Variants in NAV1 observed in about 807,000 individuals in gnomAD.
NAV1 encodes neuron navigator 1.
Under a neutral mutation model 175.2 loss-of-function variants are expected in NAV1, and 18 were observed. That is an observed-to-expected ratio of 0.10 (90% CI 0.07 to 0.15). NAV1 has a LOEUF of 0.15. NAV1 is among the 10% of genes least tolerant of loss of function. The probability of loss-of-function intolerance (pLI) is 1.00; values close to 1 mark genes in which losing one functional copy is unlikely to be tolerated. For missense variants in NAV1, 1,731 were observed against 2,436.6 expected, an observed-to-expected ratio of 0.71 and a Z score of 6.10; for synonymous variants, 897 against 978.7, an observed-to-expected ratio of 0.92 and a Z score of 1.56.
At chr1:201,667,880 C>G (rs1669888785) in intron 1 of NAV1, among the ~76,000 whole-genome samples, 1 of 152,160 alleles carries the variant, frequency 6.6e-6, no homozygotes, top group African/African-American at 2.4e-5. Context: ...CTGGAAGATG[C>G]CCCAAGTGTA....
chr1:201,747,953 C>G (rs1265560081), intron 3 of NAV1, among the ~76,000 whole-genome samples: 1 of 152,158 alleles, frequency 6.6e-6, no homozygotes, highest in Non-Finnish European at 1.5e-5. Flanking sequence ...TCAACCCCAC[C>G]GGAATGGGTC....
At chr1:201,728,594 C>CAAAAA (rs1672712668) in intron 3 of NAV1, among the ~76,000 whole-genome samples, 1 of 79,648 alleles carries the variant, frequency 1.3e-5, no homozygotes, top group Non-Finnish European at 2.5e-5. Context: ...AACTCCATCG[C>CAAAAA]AAAACAAAAA....
chr1:201,599,678 A>G (rs1425962666), intron 2 of NAV1, among the ~76,000 whole-genome samples: 2 of 152,164 alleles, frequency 1.3e-5, no homozygotes, highest in East Asian at 3.9e-4. Context: ...AGGGGGAACC[A>G]TCAGGCAGGC....
At chr1:201,756,447 C>T (rs145791631) in intron 3 of NAV1, among the ~76,000 whole-genome samples, 1,574 of 152,256 alleles carry the variant, frequency 0.01, 23 homozygotes, top group African/African-American at 0.035. Flanking sequence ...TGTCTCCCTA[C>T]AAAATATCAA....
chr1:201,594,423 G>C (rs1667294939), intron 2 of NAV1, among the ~76,000 whole-genome samples: 1 of 152,198 alleles, frequency 6.6e-6, no homozygotes, highest in Non-Finnish European at 1.5e-5. Context: ...CTGCGGGAGG[G>C]AGCCTTAGGA....
exon 30 of NAV1, chr1:201,826,114 C>G (rs1012134500): frequency 6.6e-6 from 1 of 152,164 alleles, no homozygotes; most frequent in African/African-American, 2.4e-5. Context: ...TTGGGTAAAG[C>G]ACAAAGAAAC....
intron 14 of NAV1, 66 bp downstream of exon 18, chr1:201,793,941 C>A: frequency 7.4e-7 from 1 of 1,360,350 alleles, no homozygotes; most frequent in South Asian, 1.2e-5. Flanking sequence ...ACAGAGAGGC[C>A]GAAGCTGACC....
chr1:201,600,209 C>T (rs994810850), intron 2 of NAV1, among the ~76,000 whole-genome samples: 7 of 152,212 alleles, frequency 4.6e-5, no homozygotes, highest in African/African-American at 1.7e-4. Context: ...AGAGACTCTC[C>T]AGGTCTCTCC....
intron 16 of NAV1, 64 bp from the exon 21 acceptor site, chr1:201,804,425 T>C (rs1169211756): frequency 1.3e-6 from 2 of 1,486,284 alleles, no homozygotes; most frequent in East Asian, 2.5e-5. Context: ...AAATGAGTGA[T>C]TAAGTGTTGA....
At chr1:201,623,363 G>T (rs376695356) in exon 1 of NAV1, 2 of 985,906 alleles carry the variant, frequency 2.0e-6, no homozygotes, top group Non-Finnish European at 2.4e-6. Flanking sequence ...CAAATACCAG[G>T]GGCTCCGGAA....
chr1:201,555,245 C>T (rs1226666418), intron 1 of NAV1, among the ~76,000 whole-genome samples: 2 of 152,190 alleles, frequency 1.3e-5, no homozygotes, highest in Non-Finnish European at 2.9e-5. Flanking sequence ...AACATGCCAC[C>T]TGCCACAAGA....
intron 1 of NAV1, among the ~76,000 whole-genome samples, chr1:201,561,433 G>GTTAC (rs150543719): frequency 0.029 from 4,395 of 152,238 alleles, 212 homozygotes; most frequent in African/African-American, 0.1. Flanking sequence ...TCCTGATTCT[G>GTTAC]TTACTTACTT....
intron 3 of NAV1, among the ~76,000 whole-genome samples, chr1:201,721,223 A>C (rs891531164): frequency 2.0e-5 from 3 of 152,190 alleles, no homozygotes; most frequent in Admixed American, 2.0e-4. Flanking sequence ...CCTTCCTGTA[A>C]ACTGTGATGC....
intron 1 of NAV1, among the ~76,000 whole-genome samples, chr1:201,544,261 C>T (rs1246304125): frequency 1.3e-5 from 2 of 152,226 alleles, no homozygotes; most frequent in Non-Finnish European, 2.9e-5. Flanking sequence ...AGGGTTAGAA[C>T]TACTCAATGG....
chr1:201,551,995 C>T (rs1383680154), intron 1 of NAV1, among the ~76,000 whole-genome samples: 1 of 152,218 alleles, frequency 6.6e-6, no homozygotes, highest in Non-Finnish European at 1.5e-5. Context: ...AGTCATCTCC[C>T]CACTTCCTCT....
At chr1:201,568,364 A>G (rs1443804936) in intron 1 of NAV1, among the ~76,000 whole-genome samples, 2 of 152,262 alleles carry the variant, frequency 1.3e-5, no homozygotes, top group East Asian at 3.9e-4. Flanking sequence ...CTATTTGTTA[A>G]TGGAGTGTCA....
At chr1:201,802,148 A>AAAAAAG in intron 15 of NAV1, among the ~76,000 whole-genome samples, 1 of 135,386 alleles carries the variant, frequency 7.4e-6, no homozygotes, top group African/African-American at 2.5e-5. Context: ...AAAAAAAAAA[A>AAAAAAG]AAAAAAATTA....
intron 1 of NAV1, among the ~76,000 whole-genome samples, chr1:201,703,516 CAG>C (rs1476416449): frequency 6.6e-6 from 1 of 151,990 alleles, no homozygotes; most frequent in Non-Finnish European, 1.5e-5. Flanking sequence ...TCCTTCCAAA[CAG>C]GGCTCGAGGC....
chr1:201,551,385 C>A (rs1456636348), intron 1 of NAV1, among the ~76,000 whole-genome samples: 1 of 152,172 alleles, frequency 6.6e-6, no homozygotes, highest in African/African-American at 2.4e-5. Context: ...CACACCACCA[C>A]ACTTGACTAA....
Sources: allele counts gnomAD v4.1 joint callset (sites outside exome capture counted in the v4.1 genomes callset), GRCh38; gene constraint gnomAD v4.1.1; transcripts MANE v1.5; gene names NCBI Gene and HGNC (gene_info 2026-07-23, HGNC 2026-07-21).